The following FAM227A variants were observed in gnomAD, a reference collection of about 807,000 sequenced individuals.
The protein encoded by FAM227A is protein FAM227A.
In FAM227A, 80 loss-of-function variants were observed where a neutral mutation model predicts 74.7. That is an observed-to-expected ratio of 1.07 (90% CI 0.89 to 1.29). The LOEUF (loss-of-function observed/expected upper bound fraction) is 1.29. Among genes scored for constraint, FAM227A ranks in the 50% most tolerant of loss-of-function variants. The probability of loss-of-function intolerance (pLI) is 0.00; values close to 1 mark genes in which losing one functional copy is unlikely to be tolerated. For synonymous variants in FAM227A, 237 were observed against 241.8 expected (o/e 0.98, Z 0.19); for missense variants, 654 against 683.4 (o/e 0.96, Z 0.48).
Position 38,582,719 on chromosome 22 carries a change from A to G in FAM227A, c.*3406T>C. 8.7e-7 allele frequency: 1 copy of G among 1,145,730 alleles called. No homozygotes were observed. Among genetic ancestry groups the G allele is most frequent in the Non-Finnish European group, 1.2e-6 (1 of 808,454 alleles). 71.0% of individuals were successfully genotyped at this position (1,145,730 alleles called of 1,614,324 possible). A position where few individuals can be genotyped will look rare whatever the true frequency, so the allele number is the denominator to read the frequency against. On this transcript the variant is annotated 3_prime_UTR_variant, in exon 17 of 17. Coordinates refer to ENST00000535113, the MANE Select transcript of FAM227A (RefSeq NM_001013647.2). ...GCAGTTTGTCCTGGGCTTAGAAAAT[A>G]AGGAGACCTTCTTGCTGTATGGGGG...
intron 8 of FAM227A, among the ~76,000 whole-genome samples, chr22:38,626,891 A>AAAAAATATATATAT (rs1555966996): frequency 3.5e-5 from 2 of 57,690 alleles, no homozygotes; most frequent in African/African-American, 8.7e-5. Context: ...AAAAAAAAAA[A>AAAAAATATATATAT]ATATATATAT....
intron 11 of FAM227A, among the ~76,000 whole-genome samples, chr22:38,610,937 G>GT (rs1231852289): frequency 6.6e-6 from 1 of 152,070 alleles, no homozygotes; most frequent in Non-Finnish European, 1.5e-5. Context: ...GCAGGCACCT[G>GT]TAACCCCAGC....
chr22:38,640,672 C>G (rs1169977543), intron 3 of FAM227A, among the ~76,000 whole-genome samples: 1 of 152,204 alleles, frequency 6.6e-6, no homozygotes, highest in Non-Finnish European at 1.5e-5. Flanking sequence ...AATCAGCACT[C>G]GTGGAACAAT....
chr22:38,641,979 ACGTGTGTGTG>A (rs1569235907), intron 3 of FAM227A, among the ~76,000 whole-genome samples: 1 of 143,344 alleles, frequency 7.0e-6, no homozygotes, highest in African/African-American at 2.7e-5. Flanking sequence ...GTGTGTGCGC[ACGTGTGTGTG>A]CGCGTGTGTT....
intron 11 of FAM227A, among the ~76,000 whole-genome samples, chr22:38,613,063 G>T (rs1337478017): frequency 2.4e-4 from 23 of 95,198 alleles, no homozygotes; most frequent in Non-Finnish European, 3.8e-4. Flanking sequence ...TTATATATAT[G>T]TAAATATATT....
At chr22:38,633,280 AT>A (rs1274650561) in intron 6 of FAM227A, among the ~76,000 whole-genome samples, 1 of 152,138 alleles carries the variant, frequency 6.6e-6, no homozygotes, top group Non-Finnish European at 1.5e-5. Flanking sequence ...GGCTGAAACC[AT>A]TCCGGGAGTT....
chr22:38,644,752 ACT>A (rs1187674779), intron 3 of FAM227A, among the ~76,000 whole-genome samples: 2 of 152,136 alleles, frequency 1.3e-5, no homozygotes, highest in East Asian at 1.9e-4. Flanking sequence ...AAAAAAGTGT[ACT>A]CTCTGCTCGA....
intron 2 of FAM227A, 77 bp downstream of exon 2, chr22:38,649,950 C>A: frequency 7.6e-7 from 1 of 1,308,612 alleles, no homozygotes; most frequent in Non-Finnish European, 1.1e-6. Context: ...TAGACCTGAG[C>A]ACTGATTAGA....
At chr22:38,594,103 C>T (rs1267390396) in intron 15 of FAM227A, among the ~76,000 whole-genome samples, 1 of 152,232 alleles carries the variant, frequency 6.6e-6, no homozygotes, top group African/African-American at 2.4e-5. Context: ...CAGGGACTTA[C>T]ATCTTCCCCT....
chr22:38,613,334 A>ACATATAT (rs1209034666), intron 11 of FAM227A, among the ~76,000 whole-genome samples: 42 of 67,462 alleles, frequency 6.2e-4, no homozygotes, highest in Admixed American at 1.2e-3. Context: ...ATCATATATA[A>ACATATAT]TATATAACAT....
At chr22:38,601,613 G>A (rs567441199) in intron 13 of FAM227A, among the ~76,000 whole-genome samples, 1 of 152,314 alleles carries the variant, frequency 6.6e-6, no homozygotes, top group East Asian at 1.9e-4. Flanking sequence ...GTGAGGGTAA[G>A]AATGGGTGCA....
In FAM227A at chr22:38,582,229, C is replaced by G. The variant is rs1250286317; in HGVS notation, c.*3896G>C. On this transcript the variant is annotated 3_prime_UTR_variant, in exon 17 of 17. Transcript: ENST00000535113. ...ACCCCTTCCAGCTTCCCTCCTATCCCCTCTCCAGCTATCCCTCCTGTTCTT... is the reference window on the plus strand; with the variant it reads ...ACCCCTTCCAGCTTCCCTCCTATCCGCTCTCCAGCTATCCCTCCTGTTCTT... The G allele has an allele frequency of 9.4e-7, 1 of 1,066,256 alleles. No homozygotes were observed. The highest frequency in any genetic ancestry group is 2.3e-5 in the Admixed American group (1 of 42,850). The allele number at this position is 1,066,256 out of a possible 1,614,324, so 66.0% of individuals were successfully genotyped here.
intron 8 of FAM227A, among the ~76,000 whole-genome samples, chr22:38,627,750 C>T (rs1443596826): frequency 6.6e-6 from 1 of 151,918 alleles, no homozygotes; most frequent in Non-Finnish European, 1.5e-5. Flanking sequence ...TTACAGGCAA[C>T]TGCCACTCAC....
chr22:38,588,086 C>A (rs1322258121), intron 16 of FAM227A, among the ~76,000 whole-genome samples: 2 of 152,110 alleles, frequency 1.3e-5, no homozygotes, highest in Non-Finnish European at 2.9e-5. Flanking sequence ...TTATGATAAA[C>A]CCACAGATAA....
At position 38,650,282 on chromosome 22, in the gene FAM227A, T is replaced by G. The variant is rs1019174017; in HGVS notation, c.-94-20A>C. 1.9e-6 allele frequency: 2 copies of G among 1,047,432 alleles called. No homozygotes were observed. The highest frequency in any genetic ancestry group is 2.8e-6 in the Non-Finnish European group (2 of 723,520). 64.9% of individuals were successfully genotyped at this position (1,047,432 alleles called of 1,614,324 possible). A position where few individuals can be genotyped will look rare whatever the true frequency, so the allele number is the denominator to read the frequency against. ...AGCCTCCTGGAAATCATAAACAGCA[T>G]AGAGCCAGCTCAGAAAACACAAGAA... On this transcript the variant is annotated intron_variant, in intron 1 of 16. Transcript: ENST00000535113.
rs192885790 is a variant in FAM227A at position 38,635,028 on chromosome 22, C to G, written c.519+1423G>C. 1.5e-3 allele frequency among the ~76,000 whole-genome samples: 222 copies of G among 151,996 alleles called. 2 individuals carry two copies. The highest frequency in any genetic ancestry group is 2.4e-3 in the Admixed American group (36 of 15,250). On this transcript the variant is annotated intron_variant, in intron 6 of 16. Coordinates refer to ENST00000535113, the MANE Select transcript of FAM227A (RefSeq NM_001013647.2). ...TTGGGAGGCTGAGGCGGGCGGATCA[C>G]AAGGTCAGGAGATCGAGAACAGCCT...
intron 2 of FAM227A, among the ~76,000 whole-genome samples, chr22:38,646,955 C>A (rs1013190557): frequency 3.3e-4 from 49 of 150,560 alleles, no homozygotes; most frequent in African/African-American, 1.0e-3. Flanking sequence ...TTGAGACCAG[C>A]CTGGCCAGCA....
Position 38,597,367 on chromosome 22 carries a change from C to CTG in FAM227A, c.1380-13_1380-12dup. Reference sequence around the variant, plus strand: ...GTTGGGGTGCAGTCAGTGGCTTCCGCTGTCAAGGAAATCCCCGTACTGTGG... The same window carrying CTG: ...GTTGGGGTGCAGTCAGTGGCTTCCGCTGTGTCAAGGAAATCCCCGTACTGTGG... On this transcript the variant is annotated splice_polypyrimidine_tract_variant and intron_variant, in intron 14 of 16. Coordinates refer to ENST00000535113, the MANE Select transcript of FAM227A (RefSeq NM_001013647.2). 1 of 1,551,620 alleles carries CTG rather than the reference C, an allele frequency of 6.4e-7. No homozygotes were observed. The highest frequency in any genetic ancestry group is 1.2e-5 in the South Asian group (1 of 84,058).
At position 38,628,619 on chromosome 22, in the gene FAM227A, C is replaced by T. The variant is rs181273590; in HGVS notation, c.621+215G>A. The stretch of plus-strand genomic sequence containing the variant: ...CTGCCTGTGACAGCTGTGCAACCAG[C>T]TCCTAAAGCCTGGGGGAGCCGCAGG... On this transcript the variant is annotated intron_variant, in intron 7 of 16. Transcript: ENST00000535113. Among the ~76,000 whole-genome samples, 428 of 152,284 alleles carry T rather than the reference C, an allele frequency of 2.8e-3. 2 individuals carry two copies. Among genetic ancestry groups the T allele is most frequent in the African/African-American group, 9.9e-3 (412 of 41,552 alleles).
Sources: allele counts gnomAD v4.1 joint callset (sites outside exome capture counted in the v4.1 genomes callset), GRCh38; gene constraint gnomAD v4.1.1; transcripts MANE v1.5; gene names NCBI Gene and HGNC (gene_info 2026-07-23, HGNC 2026-07-21).